Variants in FHOD3 observed in about 807,000 individuals in gnomAD.
FHOD3 encodes the protein formin homology 2 domain containing 3.
In FHOD3, 90 loss-of-function variants were observed where a neutral mutation model predicts 173.0. That is an observed-to-expected ratio of 0.52 (90% CI 0.44 to 0.62). The LOEUF is 0.62. FHOD3 is among the 20% of genes least tolerant of loss of function. The pLI is 0.00. For synonymous variants in FHOD3, 828 were observed against 823.0 expected, an observed-to-expected ratio of 1.01 and a Z score of -0.10; for missense variants, 1,945 against 2,034.7, an observed-to-expected ratio of 0.96 and a Z score of 0.85.
intron 6 of FHOD3, among the ~76,000 whole-genome samples, chr18:36,581,920 G>A (rs2058867332): frequency 6.6e-6 from 1 of 152,180 alleles, no homozygotes; most frequent in African/African-American, 2.4e-5. Context: ...CAGTATCACA[G>A]CTGTGAGGTG....
intron 1 of FHOD3, among the ~76,000 whole-genome samples, chr18:36,342,693 A>G (rs2045682558): frequency 6.6e-6 from 1 of 152,244 alleles, no homozygotes; most frequent in Admixed American, 6.5e-5. Context: ...ATCAAAGTTA[A>G]AAACTTCTGT....
At chr18:36,552,586 C>T (rs1271889835) in intron 5 of FHOD3, among the ~76,000 whole-genome samples, 4 of 151,678 alleles carry the variant, frequency 2.6e-5, no homozygotes, top group African/African-American at 9.7e-5. Flanking sequence ...GCAAGCTCCG[C>T]CTCCCAGGTT....
At chr18:36,683,470 T>C (rs1435080352) in intron 15 of FHOD3, among the ~76,000 whole-genome samples, 1 of 152,174 alleles carries the variant, frequency 6.6e-6, no homozygotes, top group East Asian at 1.9e-4. Context: ...CTGAAAACTC[T>C]GAAATATAAA....
intron 3 of FHOD3, among the ~76,000 whole-genome samples, chr18:36,444,172 G>A (rs1234051048): frequency 4.3e-5 from 5 of 115,796 alleles, no homozygotes; most frequent in Admixed American, 3.7e-4. Flanking sequence ...CAGCATGGGC[G>A]ACAGAGTGAG....
chr18:36,476,350 C>T (rs572604536), intron 3 of FHOD3, among the ~76,000 whole-genome samples: 2 of 152,336 alleles, frequency 1.3e-5, no homozygotes, highest in African/African-American at 4.8e-5. Flanking sequence ...GAAGGAATCT[C>T]TTTATTCTAC....
At chr18:36,758,222 G>T (rs1251145195) in intron 25 of FHOD3, among the ~76,000 whole-genome samples, 1 of 152,174 alleles carries the variant, frequency 6.6e-6, no homozygotes. Flanking sequence ...ACTGGAAGTG[G>T]TTTGTCATTT....
intron 3 of FHOD3, among the ~76,000 whole-genome samples, chr18:36,433,607 C>T (rs1190439721): frequency 1.3e-5 from 2 of 152,168 alleles, no homozygotes; most frequent in African/African-American, 4.8e-5. Context: ...CTGTACGTAT[C>T]ACAGCAAGAT....
intron 3 of FHOD3, among the ~76,000 whole-genome samples, chr18:36,475,031 A>T (rs2053491057): frequency 2.2e-5 from 1 of 44,600 alleles, no homozygotes; most frequent in Non-Finnish European, 5.2e-5. Context: ...ACACACACAC[A>T]CACTCTGCAA....
chr18:36,595,268 C>T (rs898817759), intron 7 of FHOD3, among the ~76,000 whole-genome samples: 1 of 152,106 alleles, frequency 6.6e-6, no homozygotes, highest in African/African-American at 2.4e-5. Context: ...TTATGACCCC[C>T]AGATGTTTCT....
chr18:36,724,467 G>A (rs555675001), intron 19 of FHOD3, among the ~76,000 whole-genome samples: 76 of 152,276 alleles, frequency 5.0e-4, no homozygotes, highest in Non-Finnish European at 9.7e-4. Flanking sequence ...GTTGACAGTC[G>A]CTGCCTCCCC....
intron 20 of FHOD3, among the ~76,000 whole-genome samples, chr18:36,737,208 AAAAG>A (rs2041679992): frequency 6.6e-6 from 1 of 152,216 alleles, no homozygotes; most frequent in East Asian, 1.9e-4. Context: ...ATGAAAAACA[AAAAG>A]AAGAGTAACT....
intron 10 of FHOD3, among the ~76,000 whole-genome samples, chr18:36,641,205 G>GAA (rs2035282552): frequency 6.6e-6 from 1 of 152,216 alleles, no homozygotes; most frequent in Admixed American, 6.5e-5. Flanking sequence ...AACAGAGCAG[G>GAA]AAAAGTAACT....
At chr18:36,365,983 A>G (rs2046880353) in intron 2 of FHOD3, among the ~76,000 whole-genome samples, 1 of 152,126 alleles carries the variant, frequency 6.6e-6, no homozygotes, top group Non-Finnish European at 1.5e-5. Context: ...TGGTTGTAGC[A>G]CATGTTGCCC....
intron 3 of FHOD3, among the ~76,000 whole-genome samples, chr18:36,450,739 A>G (rs1361945936): frequency 6.6e-6 from 1 of 152,026 alleles, no homozygotes; most frequent in East Asian, 1.9e-4. Flanking sequence ...GCTGCAGCGA[A>G]CTATGATTAC....
At chr18:36,355,681 A>G in intron 2 of FHOD3, 36 bp downstream of exon 2, 1 of 1,564,816 alleles carries the variant, frequency 6.4e-7, no homozygotes. Context: ...ACTGGTCCCC[A>G]CCTACCAGGA....
At chr18:36,418,578 G>T (rs977293405) in intron 3 of FHOD3, among the ~76,000 whole-genome samples, 7 of 152,114 alleles carry the variant, frequency 4.6e-5, no homozygotes, top group Non-Finnish European at 1.0e-4. Flanking sequence ...TTGCTACTCA[G>T]TTTTTCTTAT....
intron 4 of FHOD3, 97 bp downstream of exon 4, chr18:36,502,096 C>A (rs2055061032): frequency 3.0e-6 from 2 of 673,560 alleles, no homozygotes; most frequent in Non-Finnish European, 4.9e-6. Context: ...AAAGGAAGGA[C>A]AAATTTAGAT....
chr18:36,453,701 G>A (rs2144423487), intron 3 of FHOD3, among the ~76,000 whole-genome samples: 1 of 152,342 alleles, frequency 6.6e-6, no homozygotes, highest in East Asian at 1.9e-4. Context: ...GCCAGGCTTT[G>A]AATGAGGCCA....
intron 3 of FHOD3, among the ~76,000 whole-genome samples, chr18:36,435,472 T>C (rs2050765767): frequency 6.6e-6 from 1 of 152,148 alleles, no homozygotes; most frequent in Non-Finnish European, 1.5e-5. Context: ...TTTGTGGGTT[T>C]CTCACTAAGT....
Sources: gnomAD v4.1 joint callset for allele counts (sites outside exome capture counted in the v4.1 genomes callset) on GRCh38, gnomAD v4.1.1 for gene constraint, MANE v1.5 for transcripts, NCBI Gene and HGNC (gene_info 2026-07-23, HGNC 2026-07-21) for gene names.